The following INIP variants were observed in gnomAD, a reference collection of about 807,000 sequenced individuals.
INIP encodes the protein SOSS complex subunit C.
Under a neutral mutation model 14.0 loss-of-function variants are expected in INIP, and 9 were observed. That is an observed-to-expected ratio of 0.64 (90% confidence interval 0.39 to 1.12). The LOEUF (loss-of-function observed/expected upper bound fraction) is 1.12. INIP is among the 50% of genes most tolerant of loss of function. The probability of loss-of-function intolerance (pLI) is 0.01; values close to 1 mark genes in which losing one functional copy is unlikely to be tolerated. For synonymous variants in INIP, 37 were observed against 41.5 expected (o/e 0.89, Z 0.41); for missense variants, 78 against 122.7 (o/e 0.64, Z 1.72).
intron 4 of INIP, among the ~76,000 whole-genome samples, chr9:112,687,984 G>A (rs1030090488): frequency 6.6e-6 from 1 of 152,070 alleles, no homozygotes; most frequent in Non-Finnish European, 1.5e-5. Flanking sequence ...TACTCAGGAG[G>A]CTGAGGCAGG....
Position 112,687,612 on chromosome 9 carries a change from C to A in INIP, c.241G>T (p.Gly81Ter). The part of the protein sequence containing the change: ...ALQHAHAHSS[G>*]YFITQDSAFG... ...GCAGAGTCTTGAGTGATGAAGTATC[C>A]AGATGAATGTGCATGAGCATGCTGG... The change falls in exon 5 of 5, where the codon GGA becomes TGA. Residue 81 changes from glycine to a stop codon, truncating the protein, a stop_gained. Coordinates refer to ENST00000374242, the MANE Select transcript of INIP (RefSeq NM_021218.3). LOFTEE classifies it high-confidence loss of function. 1 of 1,587,120 alleles carries A rather than the reference C, an allele frequency of 6.3e-7. No individual in the cohort carries two copies. The highest frequency in any genetic ancestry group is 2.3e-5 in the East Asian group (1 of 44,382).
chr9:112,684,646 A>C lies in INIP; in HGVS notation c.*2892T>G, dbSNP rs1418328159. The C allele has an allele frequency of 6.6e-6, 1 of 152,184 alleles. No individual in the cohort carries two copies. Among genetic ancestry groups the C allele is most frequent in the Non-Finnish European group, 1.5e-5 (1 of 68,030 alleles). 9.4% of individuals were successfully genotyped at this position (152,184 alleles called of 1,614,324 possible). A position where few individuals can be genotyped will look rare whatever the true frequency, so the allele number is the denominator to read the frequency against. ...AACCACCTATTTCTATATGCAGTAC[A>C]CTCAGATGTTTTTGATTTTTTCGGA... On this transcript the variant is annotated 3_prime_UTR_variant, in exon 5 of 5. Coordinates refer to ENST00000374242, the MANE Select transcript of INIP (RefSeq NM_021218.3).
intron 2 of INIP, among the ~76,000 whole-genome samples, chr9:112,716,221 C>A (rs1341725811): frequency 6.6e-6 from 1 of 152,002 alleles, no homozygotes; most frequent in Non-Finnish European, 1.5e-5. Context: ...TACAGGTGCC[C>A]GCCACCATGC....
chr9:112,700,088 T>C (rs1838239322), intron 2 of INIP, among the ~76,000 whole-genome samples: 1 of 152,206 alleles, frequency 6.6e-6, no homozygotes, highest in African/African-American at 2.4e-5. Flanking sequence ...AATTAATTAC[T>C]TACTAATGGA....
At chr9:112,705,348 G>C (rs79758209) in intron 2 of INIP, among the ~76,000 whole-genome samples, 1 of 151,936 alleles carries the variant, frequency 6.6e-6, no homozygotes, top group South Asian at 2.1e-4. Context: ...TCGCTCTGTT[G>C]CCCAGGCTGG....
chr9:112,710,746 C>T (rs1838622364), intron 2 of INIP, among the ~76,000 whole-genome samples: 4 of 152,164 alleles, frequency 2.6e-5, no homozygotes, highest in South Asian at 2.1e-4. Context: ...TAATAAATTA[C>T]AACACATAAA....
chr9:112,689,479 G>A, intron 4 of INIP, 48 bp downstream of exon 4: 1 of 1,430,982 alleles, frequency 7.0e-7, no homozygotes, highest in Non-Finnish European at 9.8e-7. Context: ...CGGCTTCTGA[G>A]ATCCAGGAAA....
At chr9:112,692,746 A>G (rs920806891) in intron 3 of INIP, among the ~76,000 whole-genome samples, 4 of 151,938 alleles carry the variant, frequency 2.6e-5, no homozygotes, top group African/African-American at 9.7e-5. Context: ...AAAAAAAAAA[A>G]AGGCTATAAG....
chr9:112,687,645 TA>T lies in INIP; in HGVS notation c.220-13del. The T allele has an allele frequency of 6.7e-7, 1 of 1,485,720 alleles. No homozygotes were observed. Among genetic ancestry groups the T allele is most frequent in the Non-Finnish European group, 9.2e-7 (1 of 1,088,976 alleles). The allele number at this position is 1,485,720 out of a possible 1,614,324, so 92.0% of individuals were successfully genotyped here. On this transcript the variant is annotated splice_polypyrimidine_tract_variant and intron_variant, in intron 4 of 4. Transcript: ENST00000374242. ...TGTGCATGAGCATGCTGGGAAAGAT[TA>T]AAAACAAAAAGGCAATTAAGCTATT...
chr9:112,689,321 C>G (rs1220419994), intron 4 of INIP, among the ~76,000 whole-genome samples: 1 of 152,188 alleles, frequency 6.6e-6, no homozygotes, highest in South Asian at 2.1e-4. Flanking sequence ...CAATCATGAC[C>G]GAGTCAACAC....
intron 3 of INIP, among the ~76,000 whole-genome samples, chr9:112,691,289 A>T (rs190731312): frequency 6.6e-6 from 1 of 152,340 alleles, no homozygotes; most frequent in East Asian, 1.9e-4. Flanking sequence ...TAAACAACTG[A>T]AGTTCACATT....
chr9:112,716,734 C>T (rs1838830669), intron 1 of INIP, among the ~76,000 whole-genome samples, 193 bp from the exon 2 acceptor site: 1 of 151,888 alleles, frequency 6.6e-6, no homozygotes, highest in South Asian at 2.1e-4. Flanking sequence ...ATCACGAGGT[C>T]AGCAGATCGA....
chr9:112,685,934 C>G lies in INIP; in HGVS notation c.*1604G>C, dbSNP rs1389618811. The G allele has an allele frequency of 6.6e-6, 1 of 152,140 alleles. No individual in the cohort carries two copies. The highest frequency in any genetic ancestry group is 2.4e-5 in the African/African-American group (1 of 41,422). The allele number at this position is 152,140 out of a possible 1,614,324, so 9.4% of individuals were successfully genotyped here. ...TCTAAAAAAAACCTACATGGCACAG[C>G]CAATTCTAGAATTGTCCACTCTTGC... On this transcript the variant is annotated 3_prime_UTR_variant, in exon 5 of 5. Transcript: ENST00000374242.
intron 2 of INIP, among the ~76,000 whole-genome samples, chr9:112,707,343 TAA>T (rs919492814): frequency 1.3e-5 from 2 of 151,292 alleles, no homozygotes; most frequent in Non-Finnish European, 2.9e-5. Flanking sequence ...TTTTTTTTTT[TAA>T]GAGACAGGAT....
intron 2 of INIP, among the ~76,000 whole-genome samples, chr9:112,703,428 G>A (rs1296475677): frequency 6.6e-6 from 1 of 152,102 alleles, no homozygotes; most frequent in Non-Finnish European, 1.5e-5. Flanking sequence ...CCATTAAGAA[G>A]GAACCAGAGG....
At chr9:112,707,006 G>A (rs1376207641) in intron 2 of INIP, among the ~76,000 whole-genome samples, 1 of 152,162 alleles carries the variant, frequency 6.6e-6, no homozygotes, top group Non-Finnish European at 1.5e-5. Context: ...CCACCTCCCA[G>A]GTTCAAGCGA....
intron 4 of INIP, among the ~76,000 whole-genome samples, chr9:112,688,967 G>A (rs888651673): frequency 6.6e-6 from 1 of 151,950 alleles, no homozygotes; most frequent in African/African-American, 2.4e-5. Flanking sequence ...AATGTCCAAA[G>A]TCTCTAGAAA....
rs79611770 is a variant in INIP, at chr9:112,708,303, A to G, written c.25+8158T>C. Among the ~76,000 whole-genome samples, 539 of 152,346 alleles carry G rather than the reference A, an allele frequency of 3.5e-3. 4 individuals are homozygous for G. Among genetic ancestry groups the G allele is most frequent in the African/African-American group, 0.013 (529 of 41,576 alleles). ...CATAAAAGTAGGGGTGAGGAACAAA[A>G]TAAACTTTCCCCCTTTAAAAAGATC... On this transcript the variant is annotated intron_variant, in intron 2 of 4. Transcript: ENST00000374242.
Position 112,692,062 on chromosome 9 carries a change from T to C in INIP, c.128+2069A>G, listed in dbSNP as rs116122446. Among the ~76,000 whole-genome samples the C allele has an allele frequency of 5.6e-3, 859 of 152,038 alleles. 8 individuals are homozygous for C. The highest frequency in any genetic ancestry group is 0.017 in the African/African-American group (704 of 41,526). On this transcript the variant is annotated intron_variant, in intron 3 of 4. Coordinates refer to ENST00000374242, the MANE Select transcript of INIP (RefSeq NM_021218.3). ...AAAGAAAGTGATCAGTGGTGTCAAATAACACTAAGATGTCTGATAAGAAAA... is the reference window on the plus strand; with the variant it reads ...AAAGAAAGTGATCAGTGGTGTCAAACAACACTAAGATGTCTGATAAGAAAA...
Sources: gnomAD v4.1 joint callset for allele counts (sites outside exome capture counted in the v4.1 genomes callset) on GRCh38, gnomAD v4.1.1 for gene constraint, MANE v1.5 for transcripts, NCBI Gene and HGNC (gene_info 2026-07-23, HGNC 2026-07-21) for gene names.